The following RERE variants were observed in gnomAD, a reference collection of about 807,000 sequenced individuals.
RERE encodes the protein arginine-glutamic acid dipeptide repeats, also known as arginine-glutamic acid dipeptide repeats protein.
RERE carries 40 observed loss-of-function variants against 146.1 expected under a neutral mutation model. The ratio of observed to expected loss-of-function variants is 0.27; its 90% CI spans 0.21 to 0.36. The LOEUF is 0.36. Ranked by LOEUF, RERE falls within the 10% of genes least tolerant of loss-of-function variation. The pLI is 1.00. For synonymous variants in RERE, 1,003 were observed against 866.0 expected (o/e 1.16, Z -2.78); for missense variants, 1,933 against 2,138.7 (o/e 0.90, Z 1.90).
At chr1:8,758,522 G>GTAGTC (rs1285060946) in intron 1 of RERE, among the ~76,000 whole-genome samples, 7 of 151,444 alleles carry the variant, frequency 4.6e-5, no homozygotes, top group Non-Finnish European at 8.8e-5. Flanking sequence ...CTCCTAAGTA[G>GTAGTC]CTGGGACTAC....
intron 4 of RERE, among the ~76,000 whole-genome samples, chr1:8,613,429 T>C (rs770253162): frequency 2.4e-4 from 37 of 152,150 alleles, no homozygotes; most frequent in Non-Finnish European, 4.3e-4. Flanking sequence ...CAGGCTGCCA[T>C]GTACACCTGG....
At chr1:8,647,937 T>C (rs867317926) in intron 2 of RERE, among the ~76,000 whole-genome samples, 1 of 152,186 alleles carries the variant, frequency 6.6e-6, no homozygotes, top group African/African-American at 2.4e-5. Flanking sequence ...AATAGTTGCA[T>C]GTTATCTTTA....
chr1:8,705,544 T>C (rs1452407141), intron 1 of RERE, among the ~76,000 whole-genome samples: 3 of 152,220 alleles, frequency 2.0e-5, no homozygotes, highest in African/African-American at 4.8e-5. Context: ...TAAGTTCTCA[T>C]AGAACTGTGT....
chr1:8,381,955 A>T (rs1256380079), intron 12 of RERE, among the ~76,000 whole-genome samples: 4 of 152,176 alleles, frequency 2.6e-5, no homozygotes, highest in African/African-American at 4.8e-5. Flanking sequence ...AATAACTTCC[A>T]TTTTTCTGAG....
At chr1:8,659,111 A>C (rs1638396023) in intron 1 of RERE, among the ~76,000 whole-genome samples, 1 of 152,206 alleles carries the variant, frequency 6.6e-6, no homozygotes, top group Non-Finnish European at 1.5e-5. Context: ...CTGCCTACAA[A>C]AGTTTTGCCC....
intron 6 of RERE, among the ~76,000 whole-genome samples, chr1:8,544,395 T>C (rs1645834531): frequency 6.6e-6 from 1 of 152,182 alleles, no homozygotes; most frequent in Admixed American, 6.5e-5. Flanking sequence ...ACAACCCAAA[T>C]GTGCAGCAAC....
intron 12 of RERE, among the ~76,000 whole-genome samples, chr1:8,369,501 C>T (rs1641942563): frequency 8.2e-6 from 1 of 121,454 alleles, no homozygotes; most frequent in Admixed American, 8.5e-5. Flanking sequence ...AATCTTTCGC[C>T]TTTTACTAAA....
intron 12 of RERE, among the ~76,000 whole-genome samples, chr1:8,383,734 C>T (rs1642536474): frequency 6.6e-6 from 1 of 152,094 alleles, no homozygotes; most frequent in Non-Finnish European, 1.5e-5. Context: ...TGGCACGCAC[C>T]TGTACTCCCA....
At chr1:8,678,547 G>A (rs1201948835) in intron 1 of RERE, among the ~76,000 whole-genome samples, 1 of 151,356 alleles carries the variant, frequency 6.6e-6, no homozygotes, top group Non-Finnish European at 1.5e-5. Context: ...TACTCGGGAA[G>A]CTGAGGCAGG....
At chr1:8,564,988 C>A (rs543271823) in intron 4 of RERE, among the ~76,000 whole-genome samples, 2 of 152,050 alleles carry the variant, frequency 1.3e-5, no homozygotes, top group Admixed American at 6.6e-5. Context: ...AATTGAAAGA[C>A]AAATACCACA....
At chr1:8,735,223 G>A (rs1291163919) in intron 1 of RERE, among the ~76,000 whole-genome samples, 1 of 152,142 alleles carries the variant, frequency 6.6e-6, no homozygotes, top group African/African-American at 2.4e-5. Flanking sequence ...TAAGGACTAG[G>A]AGGTGGAGAT....
At chr1:8,632,046 T>C (rs1647041963) in intron 2 of RERE, among the ~76,000 whole-genome samples, 1 of 152,222 alleles carries the variant, frequency 6.6e-6, no homozygotes, top group Non-Finnish European at 1.5e-5. Flanking sequence ...AAAAAAACTA[T>C]GCTCTGAACC....
chr1:8,799,762 A>T (rs906572001), intron 1 of RERE, among the ~76,000 whole-genome samples: 68 of 149,608 alleles, frequency 4.5e-4, no homozygotes, highest in Non-Finnish European at 8.5e-4. Flanking sequence ...TTTTTTTTTT[A>T]TTTTTAGCTC....
intron 4 of RERE, among the ~76,000 whole-genome samples, chr1:8,599,747 T>C (rs1312643664): frequency 2.0e-5 from 3 of 152,168 alleles, no homozygotes; most frequent in African/African-American, 7.2e-5. Context: ...TGAGTATTGA[T>C]TCTTATTTTC....
chr1:8,562,361 A>G (rs1010852365), intron 4 of RERE, among the ~76,000 whole-genome samples: 1 of 152,206 alleles, frequency 6.6e-6, no homozygotes, highest in Non-Finnish European at 1.5e-5. Flanking sequence ...TATAAATAAT[A>G]TATTTCAAAC....
chr1:8,533,242 CTGTGAGGTCCTA>C (rs1645681125), intron 7 of RERE, among the ~76,000 whole-genome samples: 1 of 152,178 alleles, frequency 6.6e-6, no homozygotes, highest in South Asian at 2.1e-4. Flanking sequence ...CCCCTGATGA[CTGTGAGGTCCTA>C]GTCTAGGAGT....
chr1:8,798,856 T>G (rs1289292786), intron 1 of RERE, among the ~76,000 whole-genome samples: 1 of 150,950 alleles, frequency 6.6e-6, no homozygotes, highest in East Asian at 1.9e-4. Flanking sequence ...CACACCCAGC[T>G]AATTTTTGTA....
chr1:8,549,437 A>G (rs1645907743), intron 6 of RERE, among the ~76,000 whole-genome samples: 1 of 152,238 alleles, frequency 6.6e-6, no homozygotes, highest in African/African-American at 2.4e-5. Flanking sequence ...ATGCTGATGT[A>G]AATACTCAAA....
At chr1:8,573,564 A>G (rs1646250351) in intron 4 of RERE, among the ~76,000 whole-genome samples, 1 of 152,160 alleles carries the variant, frequency 6.6e-6, no homozygotes, top group East Asian at 1.9e-4. Flanking sequence ...CATTTGGGTC[A>G]TTTCCAGTTT....
Sources: gnomAD v4.1 joint callset for allele counts (sites outside exome capture counted in the v4.1 genomes callset) on GRCh38, gnomAD v4.1.1 for gene constraint, MANE v1.5 for transcripts, NCBI Gene and HGNC (gene_info 2026-07-23, HGNC 2026-07-21) for gene names.